The following PCDHA8 variants were observed in gnomAD, a reference collection of about 807,000 sequenced individuals.
PCDHA8 encodes protocadherin alpha-8.
PCDHA8 carries 53 observed loss-of-function variants against 61.8 expected under a neutral mutation model. The observed-to-expected ratio is 0.86, with a 90% confidence interval of 0.69 to 1.08. The LOEUF (loss-of-function observed/expected upper bound fraction) is 1.08, where lower values mean the gene tolerates loss of function less well. Among genes scored for constraint, PCDHA8 ranks in the 50% least tolerant of loss-of-function variants. PCDHA8 has a pLI of 0.00. For missense variants in PCDHA8, 1,293 were observed against 1,245.0 expected, an observed-to-expected ratio of 1.04 and a Z score of -0.58; for synonymous variants, 618 against 556.6, an observed-to-expected ratio of 1.11 and a Z score of -1.55.
At position 140,843,028 on chromosome 5, in the gene PCDHA8, G is replaced by T; in HGVS notation, c.1707G>T (p.Arg569=). ...ACGCGCCGGCACTGCTGGAGCCTCG[G>T]GTGGGTGGCACTGGTGGCGCAGCGA... ...NDNAPALLEP[R]VGGTGGAASK... is the part of the protein sequence containing the mutation. The change falls in exon 1 of 4, where the codon CGG becomes CGT. Residue 569 remains arginine (R), a synonymous_variant. Transcript: ENST00000531613. 6.3e-7 allele frequency: 1 copy of T among 1,595,268 alleles called. No individual in the cohort carries two copies. The highest frequency in any genetic ancestry group is 8.6e-7 in the Non-Finnish European group (1 of 1,165,454).
At chr5:140,941,255 C>CTTTCTTTCTTTCTCTT (rs782490896) in intron 1 of PCDHA8, among the ~76,000 whole-genome samples, 1 of 44,508 alleles carries the variant, frequency 2.2e-5, no homozygotes, top group East Asian at 7.5e-4. Context: ...TTCTTTCTTT[C>CTTTCTTTCTTTCTCTT]TCTTTCTTTC....
At chr5:140,986,823 A>G (rs2097214089) in intron 3 of PCDHA8, among the ~76,000 whole-genome samples, 1 of 152,166 alleles carries the variant, frequency 6.6e-6, no homozygotes, top group Admixed American at 6.5e-5. Context: ...TTTGGTTTAG[A>G]CAATGGTTCT....
At position 140,856,610 on chromosome 5, in the gene PCDHA8, G is replaced by A. The variant is rs782134319; in HGVS notation, c.2394+12895G>A. Reference sequence around the variant, plus strand: ...TGATATTATAAACAAAAAAGACAAAGACAAATTCCCAGTGCTTGTTCTGCG... The same window carrying A: ...TGATATTATAAACAAAAAAGACAAAAACAAATTCCCAGTGCTTGTTCTGCG... On this transcript the variant is annotated intron_variant, in intron 1 of 3. Transcript: ENST00000531613. 5 of 1,597,928 alleles carry A rather than the reference G, an allele frequency of 3.1e-6. No homozygotes were observed. The Admixed American group carries it at 5.1e-5, about 16-fold the overall frequency.
intron 1 of PCDHA8, chr5:140,928,585 G>C: frequency 2.5e-6 from 4 of 1,614,194 alleles, no homozygotes; most frequent in Non-Finnish European, 3.4e-6. Flanking sequence ...AAATGGTTCT[G>C]TCCCAGTGGA....
At chr5:140,987,944 T>C (rs910006070) in intron 3 of PCDHA8, among the ~76,000 whole-genome samples, 11 of 152,186 alleles carry the variant, frequency 7.2e-5, no homozygotes, top group African/African-American at 2.7e-4. Context: ...CTTACCTGTC[T>C]GACAAAACCA....
chr5:140,884,334 C>T (rs1405987385), intron 1 of PCDHA8: 1 of 1,613,746 alleles, frequency 6.2e-7, no homozygotes, highest in Non-Finnish European at 8.5e-7. Context: ...GCTGTGGGTC[C>T]AGAAGCGGCG....
rs1554149565 is a variant in PCDHA8, at chr5:140,857,132, G to T, written c.2394+13417G>T. Reference sequence around the variant, plus strand: ...TCTGTCTCTCCCAGTGAAAGAAGATGCTCAAGTGGGCACCGTCATTGCCCT... The same window carrying T: ...TCTGTCTCTCCCAGTGAAAGAAGATTCTCAAGTGGGCACCGTCATTGCCCT... On this transcript the variant is annotated intron_variant, in intron 1 of 3. Coordinates refer to ENST00000531613, the MANE Select transcript of PCDHA8 (RefSeq NM_018911.3). The T allele has an allele frequency of 3.1e-6, 5 of 1,598,146 alleles. 1 individual carries two copies. The South Asian group carries it at 3.3e-5, about 11-fold the overall frequency.
At chr5:140,949,474 G>T (rs2094384891) in intron 1 of PCDHA8, among the ~76,000 whole-genome samples, 1 of 151,524 alleles carries the variant, frequency 6.6e-6, no homozygotes, top group Admixed American at 6.6e-5. Flanking sequence ...CTGTTATTAG[G>T]CACACACATT....
chr5:140,929,170 C>T, intron 1 of PCDHA8: 4 of 1,614,134 alleles, frequency 2.5e-6, no homozygotes, highest in Non-Finnish European at 3.4e-6. Flanking sequence ...TCGGGCCTCT[C>T]TGGGACTTGG....
At chr5:140,942,601 GT>G (rs1453167051) in intron 1 of PCDHA8, among the ~76,000 whole-genome samples, 1 of 130,480 alleles carries the variant, frequency 7.7e-6, no homozygotes, top group Non-Finnish European at 1.6e-5. Flanking sequence ...TAATTATAGT[GT>G]TTATATTTGC....
At position 140,851,173 on chromosome 5, in the gene PCDHA8, A is replaced by C. The variant is rs1392883501; in HGVS notation, c.2394+7458A>C. Reference sequence around the variant, plus strand: ...ATTTCTGATGCTATGCTGCCATAACACTTGAAAACCAATTTAGTTGTTAGT... The same window carrying C: ...ATTTCTGATGCTATGCTGCCATAACCCTTGAAAACCAATTTAGTTGTTAGT... On this transcript the variant is annotated intron_variant, in intron 1 of 3. Coordinates refer to ENST00000531613, the MANE Select transcript of PCDHA8 (RefSeq NM_018911.3). The C allele has an allele frequency of 5.1e-5, 64 of 1,267,254 alleles. 8 individuals carry two copies. The highest frequency in any genetic ancestry group is 6.0e-5 in the Non-Finnish European group (59 of 985,446). 78.5% of individuals were successfully genotyped at this position (1,267,254 alleles called of 1,614,324 possible).
At chr5:140,858,255 C>G in intron 1 of PCDHA8, 10 of 1,596,962 alleles carry the variant, frequency 6.3e-6, no homozygotes, top group Middle Eastern at 1.7e-4. Flanking sequence ...GTGAAGCCCA[C>G]GCTGGTGTGC....
rs2042221712 is a variant in PCDHA8 at position 140,852,026 on chromosome 5, C to T, written c.2394+8311C>T. The T allele has an allele frequency of 3.2e-6, 3 of 945,562 alleles. 1 individual carries two copies. Among genetic ancestry groups the T allele is most frequent in the Non-Finnish European group, 1.3e-6 (1 of 780,832 alleles). The allele number at this position is 945,562 out of a possible 1,614,324, so 58.6% of individuals were successfully genotyped here. On this transcript the variant is annotated intron_variant, in intron 1 of 3. Transcript: ENST00000531613. ...CTAATTTATAGTTTTAAAAACTTCG[C>T]TTATTGAGTTTTTGTTATGTGGTTT...
At chr5:140,953,903 C>T (rs755692840) in intron 1 of PCDHA8, among the ~76,000 whole-genome samples, 1 of 152,120 alleles carries the variant, frequency 6.6e-6, no homozygotes, top group Non-Finnish European at 1.5e-5. Context: ...TTAAGCCCAG[C>T]ATCCATTAGG....
rs2098420803 is a variant in PCDHA8, at chr5:141,011,492, A to G, written c.*1555A>G. 1 of 153,698 alleles carries G rather than the reference A, an allele frequency of 6.5e-6. No individual in the cohort carries two copies. Among genetic ancestry groups the G allele is most frequent in the African/African-American group, 2.4e-5 (1 of 41,432 alleles). 9.5% of individuals were successfully genotyped at this position (153,698 alleles called of 1,614,324 possible). A position where few individuals can be genotyped will look rare whatever the true frequency, so the allele number is the denominator to read the frequency against. On this transcript the variant is annotated 3_prime_UTR_variant, in exon 4 of 4. Transcript: ENST00000531613. ...AATTCCATTATATTTCCTTTTGTAC[A>G]CCTGTGAAAAAGTGGAGTAGTGTTT... is the stretch of plus-strand genomic sequence containing the variant.
intron 1 of PCDHA8, among the ~76,000 whole-genome samples, chr5:140,974,301 A>G (rs2096621600): frequency 6.6e-6 from 1 of 152,190 alleles, no homozygotes; most frequent in Non-Finnish European, 1.5e-5. Context: ...AGGAGGTACA[A>G]CTGTGAGTGA....
chr5:140,884,651 T>G (rs2153405863), intron 1 of PCDHA8: 2 of 1,604,404 alleles, frequency 1.2e-6, no homozygotes, highest in Non-Finnish European at 1.7e-6. Flanking sequence ...GGACTCAGAA[T>G]GCTTGAAAGA....
rs2150317144 is a variant in PCDHA8 at position 140,841,514 on chromosome 5, CG to C, written c.196del (p.Val66TrpfsTer12). ...ELAELVPRLF[R>X]VASKRHRDLL... ...GGCGGAGCTGGTGCCGCGCCTGTTC[CG>C]GGTGGCGTCCAAAAGACACCGGGAC... On this transcript the variant is annotated frameshift_variant, in exon 1 of 4. Transcript: ENST00000531613. LOFTEE classifies it high-confidence loss of function. 3,465 of 1,613,482 alleles carry C rather than the reference CG, an allele frequency of 2.1e-3. 25 individuals carry two copies. Among genetic ancestry groups the C allele is most frequent in the Non-Finnish European group, 2.6e-3 (3,065 of 1,179,942 alleles).
At chr5:140,930,208 A>G (rs939593947) in intron 1 of PCDHA8, 39 of 152,338 alleles carry the variant, frequency 2.6e-4, no homozygotes, top group African/African-American at 8.2e-4. Flanking sequence ...AGAAATATTT[A>G]TGTGTTCAAA....
Sources: allele counts gnomAD v4.1 joint callset (sites outside exome capture counted in the v4.1 genomes callset), GRCh38; gene constraint gnomAD v4.1.1; transcripts MANE v1.5; gene names NCBI Gene and HGNC (gene_info 2026-07-23, HGNC 2026-07-21).